The following PHEX variants were observed in gnomAD, a reference collection of about 807,000 sequenced individuals.
The protein encoded by PHEX is phosphate regulating endopeptidase X-linked, also known as phosphate-regulating neutral endopeptidase PHEX.
In PHEX, 16 loss-of-function variants were observed where a neutral mutation model predicts 68.0. That is an observed-to-expected ratio of 0.24 (90% CI 0.16 to 0.36). PHEX has a LOEUF of 0.36. Ranked by LOEUF, PHEX falls within the 10% of genes least tolerant of loss-of-function variation. PHEX has a pLI of 1.00. For missense variants in PHEX, 480 were observed against 575.5 expected, an observed-to-expected ratio of 0.83 and a Z score of 1.70; for synonymous variants, 208 against 205.1, an observed-to-expected ratio of 1.01 and a Z score of -0.12.
intron 15 of PHEX, among the ~76,000 whole-genome samples, chrX:22,209,133 ACAG>A (rs1934806583): frequency 9.0e-6 from 1 of 111,367 alleles, no homozygotes; most frequent in African/African-American, 3.3e-5. Context: ...GTAAGTTTTA[ACAG>A]CAGATGTGGT....
chrX:22,231,607 T>C (rs1254769974), intron 20 of PHEX, among the ~76,000 whole-genome samples: 5 of 111,761 alleles, frequency 4.5e-5, no homozygotes, highest in Non-Finnish European at 9.4e-5. Flanking sequence ...TCTGTGGGAT[T>C]CTTGGTGATA....
At chrX:22,215,320 T>C (rs996314811) in intron 16 of PHEX, among the ~76,000 whole-genome samples, 6 of 111,609 alleles carry the variant, frequency 5.4e-5, no homozygotes, top group African/African-American at 2.0e-4. Flanking sequence ...ATGAAGATGC[T>C]AAAGACATGG....
At chrX:22,170,079 C>A (rs943854746) in intron 13 of PHEX, among the ~76,000 whole-genome samples, 2 of 112,034 alleles carry the variant, frequency 1.8e-5, no homozygotes, top group African/African-American at 6.5e-5. Context: ...GCGTGAATTT[C>A]TACCAATTTT....
intron 12 of PHEX, among the ~76,000 whole-genome samples, chrX:22,139,478 A>G (rs1312181981): frequency 1.8e-5 from 2 of 111,585 alleles, no homozygotes; most frequent in East Asian, 5.6e-4. Flanking sequence ...TGATGCATAT[A>G]TCTATTTATT....
rs139365118 is a variant in PHEX at position 22,228,328 on chromosome X, G to A, written c.2070+717G>A. Among the ~76,000 whole-genome samples, 763 of 111,551 alleles carry A rather than the reference G, an allele frequency of 6.8e-3. 2 individuals are homozygous for A. The highest frequency in any genetic ancestry group is 0.023 in the African/African-American group (717 of 30,711). On this transcript the variant is annotated intron_variant, in intron 20 of 21. Coordinates refer to ENST00000379374, the MANE Select transcript of PHEX (RefSeq NM_000444.6). ...GTTCTAGTGAATGGCCTCACCGTGG[G>A]CAAATGTGTATGAATATGCTCAAAG...
chrX:22,041,265 C>CTCTCTATATA (rs1468778300), intron 2 of PHEX, among the ~76,000 whole-genome samples: 34 of 72,803 alleles, frequency 4.7e-4, no homozygotes, highest in African/African-American at 8.9e-4. Context: ...CTCTCTCTCT[C>CTCTCTATATA]TATATATATA....
chrX:22,208,911 T>A (rs959964431), intron 15 of PHEX, among the ~76,000 whole-genome samples: 7 of 112,091 alleles, frequency 6.2e-5, no homozygotes, highest in Non-Finnish European at 1.1e-4. Flanking sequence ...AAAAACTTCA[T>A]CAGTGACACG....
intron 13 of PHEX, among the ~76,000 whole-genome samples, chrX:22,169,283 A>C (rs1173230883): frequency 8.9e-6 from 1 of 112,055 alleles, no homozygotes; most frequent in Non-Finnish European, 1.9e-5. Flanking sequence ...ATAGCCTCCC[A>C]AAATATTGAT....
chrX:22,084,742 T>C (rs1439008015), intron 5 of PHEX, among the ~76,000 whole-genome samples: 1 of 110,756 alleles, frequency 9.0e-6, no homozygotes, highest in Non-Finnish European at 1.9e-5. Context: ...AGGTTGCATA[T>C]GTCCAGGAAT....
intron 12 of PHEX, among the ~76,000 whole-genome samples, chrX:22,140,917 CTT>C (rs11294508): frequency 2.6e-4 from 26 of 99,915 alleles, no homozygotes; most frequent in African/African-American, 4.0e-4. Context: ...GAGGTAGGTA[CTT>C]TTTTTTTTTT....
At chrX:22,189,839 C>G in intron 14 of PHEX, among the ~76,000 whole-genome samples, 1 of 112,341 alleles carries the variant, frequency 8.9e-6, no homozygotes, top group Non-Finnish European at 1.9e-5. Flanking sequence ...AATGCAATGC[C>G]TTAATTTTAT....
intron 20 of PHEX, among the ~76,000 whole-genome samples, chrX:22,236,394 A>G (rs749412232): frequency 2.7e-5 from 3 of 112,790 alleles, no homozygotes; most frequent in African/African-American, 9.7e-5. Context: ...TACACTTCCT[A>G]TCTCCATAGC....
At chrX:22,050,457 G>A (rs1927770115) in intron 3 of PHEX, among the ~76,000 whole-genome samples, 1 of 109,050 alleles carries the variant, frequency 9.2e-6, no homozygotes, top group African/African-American at 3.4e-5. Flanking sequence ...GGAAATCCCA[G>A]CTCCTCAGGA....
chrX:22,120,663 C>G (rs1931447523), intron 11 of PHEX, among the ~76,000 whole-genome samples: 1 of 111,284 alleles, frequency 9.0e-6, no homozygotes, highest in African/African-American at 3.3e-5. Context: ...CTAAGAATAA[C>G]CTTGCAGGTA....
intron 20 of PHEX, 56 bp downstream of exon 20, chrX:22,227,667 C>T: frequency 1.2e-6 from 1 of 811,190 alleles, no homozygotes; most frequent in Admixed American, 2.2e-5. Flanking sequence ...GAGTTTGCTC[C>T]CTTGATCAAA....
At chrX:22,079,543 T>G (rs752871381) in intron 5 of PHEX, among the ~76,000 whole-genome samples, 29 of 111,514 alleles carry the variant, frequency 2.6e-4, no homozygotes, top group Non-Finnish European at 4.3e-4. Flanking sequence ...AATTCCATAA[T>G]TAACATCTAA....
intron 15 of PHEX, among the ~76,000 whole-genome samples, chrX:22,193,662 C>G (rs1056414734): frequency 1.8e-5 from 2 of 111,178 alleles, no homozygotes; most frequent in Non-Finnish European, 3.8e-5. Flanking sequence ...TGACTGTACC[C>G]CCAGATTGTT....
intron 3 of PHEX, among the ~76,000 whole-genome samples, chrX:22,052,735 AAT>A (rs933747632): frequency 9.1e-6 from 1 of 110,434 alleles, no homozygotes; most frequent in Non-Finnish European, 1.9e-5. Context: ...TGGAGATAAG[AAT>A]ATACATATCA....
intron 14 of PHEX, among the ~76,000 whole-genome samples, chrX:22,183,508 GTTAT>G (rs200637325): frequency 0.18 from 19,653 of 110,741 alleles, 1,647 homozygotes; most frequent in Non-Finnish European, 0.26. Context: ...CTCTCATCAC[GTTAT>G]TTCTCAGTCC....
Sources: gnomAD v4.1 joint callset for allele counts (sites outside exome capture counted in the v4.1 genomes callset) on GRCh38, gnomAD v4.1.1 for gene constraint, MANE v1.5 for transcripts, NCBI Gene and HGNC (gene_info 2026-07-23, HGNC 2026-07-21) for gene names.